The following ACOT2 variants were observed in gnomAD, a reference collection of about 807,000 sequenced individuals.
ACOT2 encodes the protein acyl-CoA thioesterase 2.
ACOT2 carries 15 observed loss-of-function variants against 20.1 expected under a neutral mutation model. The observed-to-expected ratio is 0.75, with a 90% confidence interval of 0.50 to 1.15. ACOT2 has a LOEUF of 1.15. Among genes scored for constraint, ACOT2 ranks in the 50% most tolerant of loss-of-function variants. The probability of loss-of-function intolerance (pLI) is 0.00; values close to 1 mark genes in which losing one functional copy is unlikely to be tolerated. For synonymous variants in ACOT2, 252 were observed against 268.4 expected, an observed-to-expected ratio of 0.94 and a Z score of 0.60; for missense variants, 479 against 615.3, an observed-to-expected ratio of 0.78 and a Z score of 2.34.
upstream of ACOT2, among the ~76,000 whole-genome samples, chr14:73,568,463 T>A (rs1265175750): frequency 6.6e-6 from 1 of 151,260 alleles, no homozygotes; most frequent in Non-Finnish European, 1.5e-5. Flanking sequence ...AGAGGCTGAG[T>A]CAGGAAGATG....
chr14:73,573,333 A>G, intron 1 of ACOT2, 55 bp from the exon 2 acceptor site: 4 of 1,611,034 alleles, frequency 2.5e-6, no homozygotes, highest in Non-Finnish European at 3.4e-6. Flanking sequence ...AACTTAAACC[A>G]TCCAACTGTT....
intron 2 of ACOT2, chr14:73,574,270 T>TG (rs1194185504): frequency 6.6e-6 from 1 of 151,676 alleles, no homozygotes; most frequent in African/African-American, 2.5e-5. Flanking sequence ...AGTATTTTTT[T>TG]TTTTTTTTTT....
At chr14:73,574,491 G>T in intron 2 of ACOT2, 1 of 331,174 alleles carries the variant, frequency 3.0e-6, no homozygotes, top group Non-Finnish European at 5.7e-6. Context: ...TCAAACTCCT[G>T]ACCTCAAATG....
At chr14:73,572,818 G>C (rs1192532198) in intron 1 of ACOT2, among the ~76,000 whole-genome samples, 3 of 149,272 alleles carry the variant, frequency 2.0e-5, no homozygotes, top group African/African-American at 7.5e-5. Context: ...GCTAATTTTT[G>C]TATTTTTAGT....
In ACOT2 at chr14:73,569,214, C is replaced by G; in HGVS notation, c.-27C>G. ...GCAGACAGCTCTGCCCTAGTGGGCG[C>G]TTAGCCTGCGACGGCAGCCCGAGAG... On this transcript the variant is annotated 5_prime_UTR_variant, in exon 1 of 3. Transcript: ENST00000238651. 1 of 1,611,020 alleles carries G rather than the reference C, an allele frequency of 6.2e-7. No individual in the cohort carries two copies. The highest frequency in any genetic ancestry group is 8.5e-7 in the Non-Finnish European group (1 of 1,178,114).
rs2140329413 is a variant in ACOT2, at chr14:73,569,249, C to T, written c.9C>T (p.Asn3=). The change falls in exon 1 of 3, where the codon AAC becomes AAT. Residue 3 remains asparagine, a synonymous_variant. Coordinates refer to ENST00000238651, the MANE Select transcript of ACOT2 (RefSeq NM_006821.6). Reference sequence around the variant, plus strand: ...GACGGCAGCCCGAGAGGATGTCTAACAAGCTTCTTTCTCCCCACCCCCATT... The same window carrying T: ...GACGGCAGCCCGAGAGGATGTCTAATAAGCTTCTTTCTCCCCACCCCCATT... The part of the protein sequence containing the change: MS[N]KLLSPHPHSV... 6.2e-7 allele frequency: 1 copy of T among 1,613,592 alleles called. No individual in the cohort carries two copies.
chr14:73,570,110 CTTT>C (rs60839743), intron 1 of ACOT2, among the ~76,000 whole-genome samples: 118 of 140,646 alleles, frequency 8.4e-4, no homozygotes, highest in African/African-American at 2.8e-3. Flanking sequence ...GGGAGTTACA[CTTT>C]TTTTTTTTTT....
upstream of ACOT2, chr14:73,569,121 G>A (rs893147164): frequency 4.6e-5 from 56 of 1,207,766 alleles, no homozygotes; most frequent in Non-Finnish European, 6.2e-5. Context: ...GAGACTTTAA[G>A]CAAGTTCCAG....
intron 2 of ACOT2, among the ~76,000 whole-genome samples, chr14:73,573,890 C>A (rs1197517581): frequency 6.6e-6 from 1 of 152,020 alleles, no homozygotes; most frequent in Admixed American, 6.6e-5. Context: ...CCATGCTTGG[C>A]TAATTTTTGT....
At chr14:73,574,517 C>T (rs1198183321) in intron 2 of ACOT2, 3 of 362,402 alleles carry the variant, frequency 8.3e-6, no homozygotes, top group East Asian at 6.7e-5. Flanking sequence ...CCCGCCTCAG[C>T]CTCCCAAACT....
chr14:73,570,769 G>GTGGTC (rs1017307415), intron 1 of ACOT2, among the ~76,000 whole-genome samples: 3 of 151,394 alleles, frequency 2.0e-5, no homozygotes, highest in Admixed American at 1.3e-4. Context: ...GCCAGGCGTG[G>GTGGTC]TGGTGCATGC....
chr14:73,573,520 C>T lies in ACOT2; in HGVS notation c.776C>T (p.Pro259Leu). 3 of 1,613,616 alleles carry T rather than the reference C, an allele frequency of 1.9e-6. No homozygotes were observed. In the South Asian group the frequency reaches 3.3e-5, roughly 18 times the overall value. Residue 259 changes from proline (P) to leucine (L), a missense_variant, in exon 2 of 3, where the codon CCC (proline) becomes CTC (leucine). Physicochemically the swap from Pro to Leu is moderately conservative, Grantham distance 98 (BLOSUM62 -3). This residue lies in a region of ACOT2 where 400 missense variants were observed against 395.5 expected (regional missense o/e 1.01). Transcript: ENST00000238651. ...GCTTATTATAACTATGAAGACCTCC[C>T]CAAGACCATGGAGACGCTCCATCTG... ...ALAYYNYEDL[P>L]KTMETLHLEY...
intron 1 of ACOT2, chr14:73,571,481 G>A (rs1173869150): frequency 6.6e-6 from 1 of 152,210 alleles, no homozygotes; most frequent in Admixed American, 6.6e-5. Flanking sequence ...TGGGCTTCAA[G>A]ACTAGGGAAA....
At position 73,574,905 on chromosome 14, in the gene ACOT2, C is replaced by A; in HGVS notation, c.847-3C>A. On this transcript the variant is annotated splice_region_variant and splice_polypyrimidine_tract_variant and intron_variant, in intron 2 of 2. Transcript: ENST00000238651. ...TCTTCTTTTTCCTTTGTCCCTTTCT[C>A]AGGTAAAAGGTCCAGGAGTTGGGCT... 1.2e-6 allele frequency: 2 copies of A among 1,612,996 alleles called. No individual in the cohort carries two copies. Among genetic ancestry groups the A allele is most frequent in the Non-Finnish European group, 1.7e-6 (2 of 1,179,364 alleles).
intron 1 of ACOT2, 105 bp downstream of exon 1, chr14:73,569,988 C>A: frequency 6.9e-7 from 1 of 1,443,100 alleles, no homozygotes; most frequent in South Asian, 1.4e-5. Context: ...GCCGCGCCCC[C>A]GGGCTATATT....
chr14:73,574,616 G>A (rs1406087741), intron 2 of ACOT2, among the ~76,000 whole-genome samples: 1 of 151,962 alleles, frequency 6.6e-6, no homozygotes, highest in Non-Finnish European at 1.5e-5. Context: ...CAGTGGGAAT[G>A]GGTGGCTCAG....
chr14:73,570,025 C>T (rs183353343), intron 1 of ACOT2, 142 bp downstream of exon 1: 4 of 1,319,462 alleles, frequency 3.0e-6, no homozygotes, highest in Admixed American at 5.7e-5. Flanking sequence ...AATTCCTGGT[C>T]TCCAGCTATC....
intron 1 of ACOT2, among the ~76,000 whole-genome samples, chr14:73,570,273 A>G (rs1007312633): frequency 8.6e-5 from 13 of 151,758 alleles, no homozygotes; most frequent in African/African-American, 2.9e-4. Flanking sequence ...GTGCTCAGTT[A>G]AAAGACATTG....
Position 73,569,576 on chromosome 14 carries a change from G to C in ACOT2, c.336G>C (p.Ala112=), listed in dbSNP as rs1392697677. 3.1e-6 allele frequency: 5 copies of C among 1,599,582 alleles called. No homozygotes were observed. Among genetic ancestry groups the C allele is most frequent in the Non-Finnish European group, 4.3e-6 (5 of 1,174,992 alleles). ...DEKGALFQAH[A]RYRADTLGEL... ...AGGGCGCGCTTTTCCAGGCCCACGC[G>C]CGCTACCGCGCCGACACTCTTGGCG... The change falls in exon 1 of 3, where the codon GCG becomes GCC. Residue 112 remains alanine, a synonymous_variant. Transcript: ENST00000238651.
Sources: gnomAD v4.1 joint callset for allele counts (sites outside exome capture counted in the v4.1 genomes callset) on GRCh38, gnomAD v4.1.1 for gene constraint, gnomAD v4.1.1 regional missense constraint, MANE v1.5 for transcripts, NCBI Gene and HGNC (gene_info 2026-07-23, HGNC 2026-07-21) for gene names.